Variants in MAP2 observed in about 807,000 individuals in gnomAD.
MAP2 encodes the protein microtubule associated protein 2, also known as microtubule-associated protein 2.
Under a neutral mutation model 137.6 loss-of-function variants are expected in MAP2, and 14 were observed. The observed-to-expected ratio is 0.10, with a 90% CI of 0.07 to 0.16. The LOEUF is 0.16. Ranked by LOEUF, MAP2 falls within the 10% of genes least tolerant of loss-of-function variation. The pLI, the probability that MAP2 is intolerant of heterozygous loss-of-function variation, is 1.00. For synonymous variants in MAP2, 786 were observed against 782.3 expected, an observed-to-expected ratio of 1.00 and a Z score of -0.08; for missense variants, 2,088 against 2,191.5, an observed-to-expected ratio of 0.95 and a Z score of 0.94.
intron 1 of MAP2, among the ~76,000 whole-genome samples, chr2:209,491,564 A>G (rs2059122936): frequency 6.6e-6 from 1 of 152,226 alleles, no homozygotes; most frequent in Non-Finnish European, 1.5e-5. Flanking sequence ...AGACCAATAA[A>G]GAAGAGAGAA....
chr2:209,620,734 A>C lies in MAP2; in HGVS notation c.-106-4319A>C, dbSNP rs546441559. Among the ~76,000 whole-genome samples the C allele has an allele frequency of 9.8e-4, 150 of 152,340 alleles. 2 individuals are homozygous for C. The South Asian group carries it at 0.017, about 18-fold the overall frequency. On this transcript the variant is annotated intron_variant, in intron 3 of 15. Coordinates refer to ENST00000682079, the MANE Select transcript of MAP2 (RefSeq NM_001375505.1). ...CTGTTTTGGACATTCAGTCTTCAAT[A>C]GCTAAAATATTGTTATCCTGGACAA...
At chr2:209,607,344 C>G (rs905048109) in intron 3 of MAP2, among the ~76,000 whole-genome samples, 2 of 152,176 alleles carry the variant, frequency 1.3e-5, no homozygotes, top group African/African-American at 4.8e-5. Flanking sequence ...AAACTTGAGC[C>G]AAGGGTCAGT....
chr2:209,638,157 A>G (rs980720480), intron 4 of MAP2, among the ~76,000 whole-genome samples: 1 of 152,154 alleles, frequency 6.6e-6, no homozygotes, highest in Non-Finnish European at 1.5e-5. Flanking sequence ...TGTATGTCCC[A>G]TCATACCCCT....
At chr2:209,707,880 A>G (rs2063969140) in intron 12 of MAP2, among the ~76,000 whole-genome samples, 1 of 152,160 alleles carries the variant, frequency 6.6e-6, no homozygotes, top group African/African-American at 2.4e-5. Flanking sequence ...AAATTATTTC[A>G]TATAGTAAAA....
At position 209,630,375 on chromosome 2, in the gene MAP2, T is replaced by G. The variant is rs553938608; in HGVS notation, c.-30+5246T>G. 1.4e-3 allele frequency among the ~76,000 whole-genome samples: 216 copies of G among 152,288 alleles called. 1 individual carries two copies. Among genetic ancestry groups the G allele is most frequent in the Middle Eastern group, 3.4e-3 (1 of 294 alleles). On this transcript the variant is annotated intron_variant, in intron 4 of 15. Transcript: ENST00000682079. ...TTACGTAGAGACTGGATTTCCCTACTGCCCATTACACAAGCACAACTCTCA... is the reference window on the plus strand; with the variant it reads ...TTACGTAGAGACTGGATTTCCCTACGGCCCATTACACAAGCACAACTCTCA...
rs368562976 is a variant in MAP2 at position 209,507,026 on chromosome 2, G to A, written c.-221-566G>A. On this transcript the variant is annotated intron_variant, in intron 1 of 15. Transcript: ENST00000682079. ...TATGGCAGGCAGAAGGTGTAAGAGC[G>A]CTCTCTGTGATCTCTTGTATAAAGG... 1.2e-4 allele frequency among the ~76,000 whole-genome samples: 19 copies of A among 152,150 alleles called. 1 individual carries two copies. Among genetic ancestry groups the A allele is most frequent in the South Asian group, 8.3e-4 (4 of 4,808 alleles).
intron 3 of MAP2, among the ~76,000 whole-genome samples, chr2:209,595,390 A>G (rs1263835834): frequency 6.6e-6 from 1 of 152,208 alleles, no homozygotes; most frequent in East Asian, 1.9e-4. Context: ...TAAGACATGA[A>G]GCACCCAGTA....
chr2:209,551,082 A>G (rs2069078078), intron 2 of MAP2, among the ~76,000 whole-genome samples: 2 of 152,150 alleles, frequency 1.3e-5, no homozygotes, highest in Non-Finnish European at 2.9e-5. Context: ...CCATATTACC[A>G]TGCCATTAAT....
chr2:209,695,222 G>T lies in MAP2; in HGVS notation c.3052G>T (p.Gly1018Cys). 1 of 1,614,068 alleles carries T rather than the reference G, an allele frequency of 6.2e-7. No individual in the cohort carries two copies. The highest frequency in any genetic ancestry group is 8.5e-7 in the Non-Finnish European group (1 of 1,180,008). Residue 1018 changes from glycine to cysteine, a missense_variant, in exon 8 of 16, where the codon GGT (glycine) becomes TGT (cysteine). Around this residue, in one of 6 missense-constraint regions of MAP2, gnomAD observed 500 missense variants for 482.9 expected, o/e 1.04. Transcript: ENST00000682079. ...TDASSEKAEK[G>C]LSSVPEIAEV... ...TGCATCCTCTGAGAAAGCAGAGAAG[G>T]GTCTTAGTTCAGTGCCAGAGATAGC...
rs74443739 is a variant in MAP2 at position 209,713,608 on chromosome 2, C to T, written c.5073+3354C>T. On this transcript the variant is annotated intron_variant, in intron 13 of 15. Transcript: ENST00000682079. ...TATTAAGTGTATTAATTTGAAACTG[C>T]TCTATGTAGCTAGCCTCTCAATCTA... Among the ~76,000 whole-genome samples, 707 of 152,214 alleles carry T rather than the reference C, an allele frequency of 4.6e-3. 1 individual carries two copies. Among genetic ancestry groups the T allele is most frequent in the Non-Finnish European group, 7.5e-3 (509 of 68,008 alleles).
chr2:209,653,158 A>C lies in MAP2; in HGVS notation c.-13A>C, dbSNP rs746192267. 1.3e-6 allele frequency: 2 copies of C among 1,568,346 alleles called. No homozygotes were observed. The highest frequency in any genetic ancestry group is 1.7e-6 in the Non-Finnish European group (2 of 1,159,314). On this transcript the variant is annotated 5_prime_UTR_variant, in exon 5 of 16. Transcript: ENST00000682079. Reference sequence around the variant, plus strand: ...CTCTTTCAGTTGCAGGAGAAATAACAAGGCATTGAAGAATGGCAGATGAAC... The same window carrying C: ...CTCTTTCAGTTGCAGGAGAAATAACCAGGCATTGAAGAATGGCAGATGAAC...
intron 5 of MAP2, among the ~76,000 whole-genome samples, chr2:209,663,804 G>T: frequency 6.6e-6 from 1 of 152,208 alleles, no homozygotes; most frequent in East Asian, 1.9e-4. Flanking sequence ...CAGCATGAAT[G>T]ATCAGTCCTC....
intron 2 of MAP2, among the ~76,000 whole-genome samples, chr2:209,530,850 C>G (rs914476566): frequency 1.3e-5 from 2 of 152,136 alleles, no homozygotes; most frequent in South Asian, 4.1e-4. Context: ...TGACCCATGT[C>G]TGTTGGGTTG....
chr2:209,591,497 T>G (rs1267717048), intron 3 of MAP2, among the ~76,000 whole-genome samples: 1 of 150,826 alleles, frequency 6.6e-6, no homozygotes, highest in Non-Finnish European at 1.5e-5. Context: ...CCCACTGCCT[T>G]AAACAGTACT....
chr2:209,508,649 C>G (rs2061374252), intron 2 of MAP2, among the ~76,000 whole-genome samples: 1 of 151,036 alleles, frequency 6.6e-6, no homozygotes, highest in South Asian at 2.1e-4. Flanking sequence ...TTTTCAGGTT[C>G]AAACTGTGCT....
intron 2 of MAP2, among the ~76,000 whole-genome samples, chr2:209,521,661 G>T (rs17317645): frequency 2.0e-5 from 3 of 151,960 alleles, no homozygotes; most frequent in African/African-American, 7.2e-5. Flanking sequence ...AACTCTGTCA[G>T]CTGGGCCCCT....
chr2:209,435,893 A>G (rs994923845), intron 1 of MAP2, among the ~76,000 whole-genome samples: 2 of 134,826 alleles, frequency 1.5e-5, no homozygotes, highest in African/African-American at 5.1e-5. Flanking sequence ...ATAGGCTTCT[A>G]TTCGGGTTAT....
chr2:209,580,942 G>A (rs1205411658), intron 3 of MAP2, among the ~76,000 whole-genome samples: 1 of 152,140 alleles, frequency 6.6e-6, no homozygotes, highest in Non-Finnish European at 1.5e-5. Flanking sequence ...GCCCTGCTGA[G>A]AAGAAAATCA....
At chr2:209,608,428 T>C (rs1044223863) in intron 3 of MAP2, among the ~76,000 whole-genome samples, 1 of 152,104 alleles carries the variant, frequency 6.6e-6, no homozygotes, top group East Asian at 1.9e-4. Context: ...GCTGGGCTGC[T>C]GGGGTGTGCC....
Sources: allele counts gnomAD v4.1 joint callset (sites outside exome capture counted in the v4.1 genomes callset), GRCh38; gene constraint gnomAD v4.1.1; regional missense constraint gnomAD v4.1.1; transcripts MANE v1.5; gene names NCBI Gene and HGNC (gene_info 2026-07-23, HGNC 2026-07-21).